Variants in ALKBH1 observed in about 807,000 individuals in gnomAD.
ALKBH1 encodes nucleic acid dioxygenase ALKBH1.
Under a neutral mutation model 36.6 loss-of-function variants are expected in ALKBH1, and 31 were observed. That is an observed-to-expected ratio of 0.85 (90% CI 0.64 to 1.14). ALKBH1 has a LOEUF of 1.14. Ranked by LOEUF, ALKBH1 falls within the 50% of genes most tolerant of loss-of-function variation. ALKBH1 has a pLI of 0.00. For missense variants in ALKBH1, 490 were observed against 497.3 expected (o/e 0.99, Z 0.14); for synonymous variants, 183 against 186.6 (o/e 0.98, Z 0.16).
At chr14:77,679,210 A>AAAT (rs1284000426) in intron 4 of ALKBH1, among the ~76,000 whole-genome samples, 1 of 152,174 alleles carries the variant, frequency 6.6e-6, no homozygotes, top group Non-Finnish European at 1.5e-5. Flanking sequence ...TTACATAGAA[A>AAAT]AATAAGTGCT....
intron 4 of ALKBH1, 152 bp from the exon 5 acceptor site, chr14:77,676,001 T>C (rs1440855635): frequency 2.9e-6 from 2 of 684,080 alleles, no homozygotes; most frequent in Non-Finnish European, 4.6e-6. Context: ...TTCTTTTCTT[T>C]TTTTTTTTTT....
rs577788419 is a variant in ALKBH1 at position 77,698,874 on chromosome 14, G to A, written c.293-3974C>T. Among the ~76,000 whole-genome samples, 266 of 152,284 alleles carry A rather than the reference G, an allele frequency of 1.7e-3. 2 individuals are homozygous for A. The highest frequency in any genetic ancestry group is 6.0e-3 in the African/African-American group (250 of 41,568). Reference sequence around the variant, plus strand: ...AGCGATTCTTCTGCCTCAGCCTCCTGAGTAGATGAGATTACAGGCTTGGAC... The same window carrying A: ...AGCGATTCTTCTGCCTCAGCCTCCTAAGTAGATGAGATTACAGGCTTGGAC... On this transcript the variant is annotated intron_variant, in intron 2 of 5. Transcript: ENST00000216489.
rs147776085 is a variant in ALKBH1 at position 77,697,710 on chromosome 14, A to C, written c.293-2810T>G. 3.6e-3 allele frequency among the ~76,000 whole-genome samples: 550 copies of C among 151,694 alleles called. 2 individuals are homozygous for C. The highest frequency in any genetic ancestry group is 0.012 in the African/African-American group (488 of 41,430). On this transcript the variant is annotated intron_variant, in intron 2 of 5. Coordinates refer to ENST00000216489, the MANE Select transcript of ALKBH1 (RefSeq NM_006020.3). ...CATTTGCTGTAATAAAAAAAAAAAA[A>C]AAAAAAAAGAATTAGAAGCCGGGCA...
At chr14:77,683,236 A>G (rs1010769183) in intron 3 of ALKBH1, 1 of 758,574 alleles carries the variant, frequency 1.3e-6, no homozygotes. Flanking sequence ...AGGTTCCAGC[A>G]GCTCAGGCTC....
At chr14:77,687,776 T>C (rs2080276141) in intron 3 of ALKBH1, among the ~76,000 whole-genome samples, 1 of 152,106 alleles carries the variant, frequency 6.6e-6, no homozygotes, top group African/African-American at 2.4e-5. Context: ...TCTATTTTCT[T>C]CATCCTGTGC....
At position 77,679,720 on chromosome 14, in the gene ALKBH1, G is replaced by A. The variant is rs551573033; in HGVS notation, c.546+160C>T. 5.3e-5 allele frequency among the ~76,000 whole-genome samples: 8 copies of A among 152,216 alleles called. No homozygotes were observed. In the South Asian group the frequency reaches 8.3e-4, roughly 16 times the overall value. On this transcript the variant is annotated intron_variant, in intron 4 of 5. Coordinates refer to ENST00000216489, the MANE Select transcript of ALKBH1 (RefSeq NM_006020.3). Reference sequence around the variant, plus strand: ...TGCTGGGATTACAGATGTGAGCCACGGCACCTGGCCCAGTTGAGATTTTTT... The same window carrying A: ...TGCTGGGATTACAGATGTGAGCCACAGCACCTGGCCCAGTTGAGATTTTTT...
At position 77,675,640 on chromosome 14, in the gene ALKBH1, C is replaced by T; in HGVS notation, c.740+16G>A. 1 of 1,574,250 alleles carries T rather than the reference C, an allele frequency of 6.4e-7. No homozygotes were observed. The highest frequency in any genetic ancestry group is 8.7e-7 in the Non-Finnish European group (1 of 1,152,696). On this transcript the variant is annotated intron_variant, in intron 5 of 5. Transcript: ENST00000216489. ...AAATGATAAAAAGTAATCCCAAATC[C>T]CTGGAACTAACTCACCTGAATGACA...
intron 3 of ALKBH1, among the ~76,000 whole-genome samples, chr14:77,681,697 A>T (rs894731962): frequency 6.6e-6 from 1 of 152,252 alleles, no homozygotes. Flanking sequence ...GGAAGTGTTA[A>T]GAGTGGCTTA....
intron 1 of ALKBH1, among the ~76,000 whole-genome samples, chr14:77,707,511 C>T (rs1265846251): frequency 6.6e-6 from 1 of 152,072 alleles, no homozygotes; most frequent in Non-Finnish European, 1.5e-5. Context: ...TCTACAAAGA[C>T]GTTCTATGGG....
Position 77,703,840 on chromosome 14 carries a change from C to T in ALKBH1, c.292+529G>A, listed in dbSNP as rs534153250. Among the ~76,000 whole-genome samples the T allele has an allele frequency of 3.9e-5, 6 of 152,174 alleles. No individual in the cohort carries two copies. The East Asian group carries it at 1.2e-3, about 29-fold the overall frequency. On this transcript the variant is annotated intron_variant, in intron 2 of 5. Transcript: ENST00000216489. ...CTTGACCTCCTGACCTCAGGTGATCCACCCACCTTGGCATCTCAAAGTTCT... is the reference window on the plus strand; with the variant it reads ...CTTGACCTCCTGACCTCAGGTGATCTACCCACCTTGGCATCTCAAAGTTCT...
At chr14:77,680,677 C>CTCTCTTTTTTTTTTTTTTTTTTTT (rs774703181) in intron 3 of ALKBH1, among the ~76,000 whole-genome samples, 1 of 124,348 alleles carries the variant, frequency 8.0e-6, no homozygotes, top group African/African-American at 3.2e-5. Context: ...ATTAACTACT[C>CTCTCTTTTTTTTTTTTTTTTTTTT]TTTTTTTTTT....
intron 1 of ALKBH1, among the ~76,000 whole-genome samples, chr14:77,706,249 C>A (rs2080389949): frequency 6.6e-6 from 1 of 152,054 alleles, no homozygotes; most frequent in South Asian, 2.1e-4. Context: ...CTATATGAAA[C>A]CCTCTGACAG....
At chr14:77,700,020 A>T (rs2080350746) in intron 2 of ALKBH1, among the ~76,000 whole-genome samples, 1 of 152,150 alleles carries the variant, frequency 6.6e-6, no homozygotes, top group Non-Finnish European at 1.5e-5. Flanking sequence ...ACACCACTGC[A>T]CTCCAGCCTG....
intron 4 of ALKBH1, among the ~76,000 whole-genome samples, chr14:77,678,688 G>A (rs1250725527): frequency 6.6e-6 from 1 of 152,076 alleles, no homozygotes; most frequent in Non-Finnish European, 1.5e-5. Context: ...GCACTGCACT[G>A]CTAGTTACAA....
At position 77,707,832 on chromosome 14, in the gene ALKBH1, C is replaced by A. The variant is rs925358574; in HGVS notation, c.173G>T (p.Gly58Val). 7 of 1,608,904 alleles carry A rather than the reference C, an allele frequency of 4.4e-6. No homozygotes were observed. In the Admixed American group the frequency reaches 8.4e-5, roughly 19 times the overall value. The stretch of plus-strand genomic sequence containing the variant: ...CTCCTCTCTCTGTACCTTTTGGGCA[C>A]CAGGACCCTTGCCACGGGCTGCGTG... The part of the protein sequence containing the change: ...AAHAARGKGP[G>V]AQKVIKSQLN... Residue 58 changes from glycine to valine, a missense_variant, in exon 1 of 6, where the codon GGT becomes GTT. Physicochemically the swap from Gly to Val is moderately radical, Grantham distance 109 (BLOSUM62 -3). Coordinates refer to ENST00000216489, the MANE Select transcript of ALKBH1 (RefSeq NM_006020.3).
rs114981893 is a variant in ALKBH1 at position 77,704,298 on chromosome 14, T to C, written c.292+71A>G. 2,150 of 1,111,674 alleles carry C rather than the reference T, an allele frequency of 1.9e-3. 27 individuals carry two copies. The African/African-American group carries it at 0.029, about 15-fold the overall frequency. The allele number at this position is 1,111,674 out of a possible 1,614,324, so 68.9% of individuals were successfully genotyped here. On this transcript the variant is annotated intron_variant, in intron 2 of 5. Transcript: ENST00000216489. Reference sequence around the variant, plus strand: ...TGTCTATTTACTTGCTCACACACAGTACCTTCTTTGAAGACATGAAGACAT... The same window carrying C: ...TGTCTATTTACTTGCTCACACACAGCACCTTCTTTGAAGACATGAAGACAT...
At chr14:77,677,902 T>C (rs1395215020) in intron 4 of ALKBH1, among the ~76,000 whole-genome samples, 1 of 152,264 alleles carries the variant, frequency 6.6e-6, no homozygotes, top group East Asian at 1.9e-4. Context: ...ATCACCCTTT[T>C]GGGCTTTCAA....
At chr14:77,685,767 C>CG (rs1254166271) in intron 3 of ALKBH1, among the ~76,000 whole-genome samples, 9 of 151,134 alleles carry the variant, frequency 6.0e-5, no homozygotes, top group African/African-American at 9.7e-5. Flanking sequence ...GACCCTGTCT[C>CG]GGGGGGGAAA....
At chr14:77,688,438 T>C (rs777300040) in intron 3 of ALKBH1, among the ~76,000 whole-genome samples, 16 of 151,950 alleles carry the variant, frequency 1.1e-4, no homozygotes, top group African/African-American at 3.6e-4. Context: ...GTAGATTTAG[T>C]AGAGACAGAG....
Sources: gnomAD v4.1 joint callset for allele counts (sites outside exome capture counted in the v4.1 genomes callset) on GRCh38, gnomAD v4.1.1 for gene constraint, MANE v1.5 for transcripts, NCBI Gene and HGNC (gene_info 2026-07-23, HGNC 2026-07-21) for gene names.